TP53BP1: variants seen among roughly 807,000 people sequenced by gnomAD.
TP53BP1 encodes TP53-binding protein 1.
A neutral mutation model predicts 200.8 loss-of-function variants in TP53BP1; 61 were observed. That is an observed-to-expected ratio of 0.30 (90% CI 0.25 to 0.38). TP53BP1 has a LOEUF of 0.38. Among genes scored for constraint, TP53BP1 ranks in the 10% least tolerant of loss-of-function variants. The pLI, the probability that TP53BP1 is intolerant of heterozygous loss-of-function variation, is 1.00. For missense variants in TP53BP1, 2,144 were observed against 2,371.9 expected (o/e 0.90, Z 2.00); for synonymous variants, 822 against 844.3 (o/e 0.97, Z 0.46).
rs545449370 is a variant in TP53BP1, at chr15:43,412,644, T to G, written c.5305+475A>C. ...GGAACCAGGCACCCCACAGTCCCAGTCTTAGACCTCAGGAGAATGAACCTT... is the reference window on the plus strand; with the variant it reads ...GGAACCAGGCACCCCACAGTCCCAGGCTTAGACCTCAGGAGAATGAACCTT... On this transcript the variant is annotated intron_variant, in intron 24 of 27. Transcript: ENST00000382044. The G allele has an allele frequency of 6.4e-6, 3 of 471,078 alleles. No individual in the cohort carries two copies. In the East Asian group the frequency reaches 2.1e-4, roughly 33 times the overall value. The allele number at this position is 471,078 out of a possible 1,614,324, so 29.2% of individuals were successfully genotyped here. A position where few individuals can be genotyped will look rare whatever the true frequency, so the allele number is the denominator to read the frequency against.
chr15:43,426,565 T>C (rs1463049973), intron 18 of TP53BP1, among the ~76,000 whole-genome samples: 4 of 151,962 alleles, frequency 2.6e-5, no homozygotes. Flanking sequence ...CATCAAATGT[T>C]ATCTGACATG....
intron 11 of TP53BP1, among the ~76,000 whole-genome samples, chr15:43,465,986 T>C (rs2046570184): frequency 6.6e-6 from 1 of 152,154 alleles, no homozygotes; most frequent in South Asian, 2.1e-4. Flanking sequence ...GCACTGGAAG[T>C]TGGAAGACAA....
In TP53BP1 at chr15:43,432,423, A is replaced by C; in HGVS notation, c.3446T>G (p.Ile1149Ser). Residue 1149 changes from isoleucine (I) to serine (S), a missense_variant, in exon 17 of 28, where the codon ATT becomes AGT. Physicochemically the swap from Ile to Ser is moderately radical, Grantham distance 142. Around this residue, in one of 4 missense-constraint regions of TP53BP1, gnomAD observed 1,700 missense variants for 1,710.3 expected, o/e 0.99. Coordinates refer to ENST00000382044, the MANE Select transcript of TP53BP1 (RefSeq NM_001141980.3). ...TATGTTATTTTGGCTGGGCCTTTCA[A>C]TCAAGGCCTTACTAGGATTTTCCTT... ...TNKENPSKAL[I>S]ERPSQNNIGI... The C allele has an allele frequency of 6.2e-7, 1 of 1,614,168 alleles. No homozygotes were observed. The highest frequency in any genetic ancestry group is 1.1e-5 in the South Asian group (1 of 91,088).
chr15:43,467,561 G>C (rs1163987133), intron 11 of TP53BP1, among the ~76,000 whole-genome samples: 1 of 152,084 alleles, frequency 6.6e-6, no homozygotes, highest in African/African-American at 2.4e-5. Flanking sequence ...TTTGGTAAAT[G>C]TTGAAAATAG....
At chr15:43,429,184 G>A (rs1276960033) in intron 17 of TP53BP1, among the ~76,000 whole-genome samples, 1 of 152,086 alleles carries the variant, frequency 6.6e-6, no homozygotes, top group Non-Finnish European at 1.5e-5. Flanking sequence ...ATTTTTAAAA[G>A]ATAACTTCTT....
chr15:43,423,640 A>G (rs1334487383), intron 18 of TP53BP1, among the ~76,000 whole-genome samples: 2 of 150,586 alleles, frequency 1.3e-5, no homozygotes, highest in Non-Finnish European at 2.9e-5. Context: ...CCTGGACAAC[A>G]GAGTGAGACT....
chr15:43,494,790 A>G (rs183164751), upstream of TP53BP1, among the ~76,000 whole-genome samples: 358 of 152,260 alleles, frequency 2.4e-3, no homozygotes, highest in Non-Finnish European at 3.1e-3. Context: ...AAATCCCCCA[A>G]AAGTTACCAT....
intron 16 of TP53BP1, 139 bp downstream of exon 16, chr15:43,438,185 C>G: frequency 1.6e-6 from 1 of 632,864 alleles, no homozygotes. Flanking sequence ...CACTAATTAC[C>G]TCTCAACACT....
At chr15:43,446,632 A>C (rs746161398) in intron 13 of TP53BP1, 42 bp from the exon 14 acceptor site, 1 of 1,597,430 alleles carries the variant, frequency 6.3e-7, no homozygotes, top group South Asian at 1.1e-5. Flanking sequence ...AAGAACACTA[A>C]AATACAAACA....
intron 10 of TP53BP1, 45 bp from the exon 11 acceptor site, chr15:43,470,111 A>G (rs755375597): frequency 2.7e-6 from 4 of 1,474,076 alleles, no homozygotes; most frequent in Admixed American, 3.4e-5. Flanking sequence ...TCACTCATCA[A>G]TATTACTCAT....
intron 17 of TP53BP1, among the ~76,000 whole-genome samples, chr15:43,431,101 A>C (rs781637160): frequency 6.6e-6 from 1 of 152,162 alleles, no homozygotes; most frequent in Non-Finnish European, 1.5e-5. Context: ...TAGCATATGG[A>C]TATGCTAGAA....
rs775544576 is a variant in TP53BP1, at chr15:43,480,918, G to A, written c.476C>T (p.Thr159Ile). ...ACCTTCAGCACCAAGGGAATGTGTA[G>A]TATTGCCTGAAGTATCTTCTTCCTT... ...KEKEEDTSGNTTHSLGAEDTA... is the reference protein window; with the variant it reads ...KEKEEDTSGNITHSLGAEDTA... Residue 159 changes from threonine to isoleucine, a missense_variant, in exon 5 of 28, where the codon ACT (threonine) becomes ATT (isoleucine). This residue lies in a region of TP53BP1 where 1,700 missense variants were observed against 1,710.3 expected (regional missense o/e 0.99). Transcript: ENST00000382044. The A allele has an allele frequency of 1.2e-6, 2 of 1,614,016 alleles. No individual in the cohort carries two copies. Among genetic ancestry groups the A allele is most frequent in the East Asian group, 2.2e-5 (1 of 44,880 alleles).
Position 43,456,950 on chromosome 15 carries a change from G to A in TP53BP1, c.1658C>T (p.Thr553Met), listed in dbSNP as rs758857922. The change falls in exon 12 of 28, where the codon ACG becomes ATG. Residue 553 changes from threonine to methionine, a missense_variant. This residue lies in a region of TP53BP1 where 1,700 missense variants were observed against 1,710.3 expected (regional missense o/e 0.99). Coordinates refer to ENST00000382044, the MANE Select transcript of TP53BP1 (RefSeq NM_001141980.3). Reference sequence around the variant, plus strand: ...ATTGAGAACTGGAGACATGGGTTCCGTATCCTCAATCTGTGTGTTTTCTCC... The same window carrying A: ...ATTGAGAACTGGAGACATGGGTTCCATATCCTCAATCTGTGTGTTTTCTCC... ...EDGENTQIED[T>M]EPMSPVLNSK... is the part of the protein sequence containing the mutation. 2.1e-5 allele frequency: 34 copies of A among 1,613,972 alleles called. No individual in the cohort carries two copies. The highest frequency in any genetic ancestry group is 1.6e-4 in the Middle Eastern group (1 of 6,084).
chr15:43,493,117 G>GGTCGCCGCT lies in TP53BP1; in HGVS notation c.-83_-75dup, dbSNP rs1199333680. On this transcript the variant is annotated 5_prime_UTR_variant, in exon 1 of 28. Coordinates refer to ENST00000382044, the MANE Select transcript of TP53BP1 (RefSeq NM_001141980.3). ...CCAAGTCCCTCCAGATCGATCCCTAGGTCGCCGCTGTCGCCACCGCCGCCA... is the reference window on the plus strand; with the variant it reads ...CCAAGTCCCTCCAGATCGATCCCTAGGTCGCCGCTGTCGCCGCTGTCGCCACCGCCGCCA... 18 of 1,598,528 alleles carry GGTCGCCGCT rather than the reference G, an allele frequency of 1.1e-5. No homozygotes were observed. Among genetic ancestry groups the GGTCGCCGCT allele is most frequent in the Non-Finnish European group, 1.4e-5 (16 of 1,175,414 alleles).
chr15:43,507,620 T>A (rs1688925154), intron 1 of TP53BP1, among the ~76,000 whole-genome samples: 1 of 152,236 alleles, frequency 6.6e-6, no homozygotes, highest in Non-Finnish European at 1.5e-5. Flanking sequence ...TTTAATTTTT[T>A]ATTTAGCTTT....
chr15:43,432,074 C>T, intron 17 of TP53BP1, 120 bp downstream of exon 17: 1 of 1,396,374 alleles, frequency 7.2e-7, no homozygotes, highest in African/African-American at 1.4e-5. Flanking sequence ...GTCTTTTAAC[C>T]ACTGTTCTGT....
intron 19 of TP53BP1, chr15:43,421,575 A>C: frequency 1.8e-6 from 1 of 543,682 alleles, no homozygotes; most frequent in South Asian, 2.3e-5. Flanking sequence ...GCTGTGGTAG[A>C]AGCAGTGCCC....
In TP53BP1 at chr15:43,441,520, G is replaced by C; in HGVS notation, c.3098+6C>G. On this transcript the variant is annotated splice_donor_region_variant and intron_variant, in intron 15 of 27. Transcript: ENST00000382044. Reference sequence around the variant, plus strand: ...TAAACTCTAAATAGCATCCAGCTTTGGTTACCTGGCAACAGACTCAGCAAC... The same window carrying C: ...TAAACTCTAAATAGCATCCAGCTTTCGTTACCTGGCAACAGACTCAGCAAC... 6.2e-7 allele frequency: 1 copy of C among 1,605,088 alleles called. No individual in the cohort carries two copies. Among genetic ancestry groups the C allele is most frequent in the Non-Finnish European group, 8.5e-7 (1 of 1,171,944 alleles).
At chr15:43,509,410 G>A (rs1243437064) in intron 1 of TP53BP1, among the ~76,000 whole-genome samples, 1 of 152,064 alleles carries the variant, frequency 6.6e-6, no homozygotes, top group Non-Finnish European at 1.5e-5. Flanking sequence ...TTGCTGTAAA[G>A]TTTTTTGTTT....
Sources: allele counts gnomAD v4.1 joint callset (sites outside exome capture counted in the v4.1 genomes callset), GRCh38; gene constraint gnomAD v4.1.1; regional missense constraint gnomAD v4.1.1; transcripts MANE v1.5; gene names NCBI Gene and HGNC (gene_info 2026-07-23, HGNC 2026-07-21).